TPST2: variants seen among roughly 807,000 people sequenced by gnomAD.
TPST2 encodes the protein tyrosylprotein sulfotransferase 2.
In TPST2, 16 loss-of-function variants were observed where a neutral mutation model predicts 27.8. The observed-to-expected ratio is 0.58, with a 90% CI of 0.39 to 0.88. The LOEUF is 0.88. Ranked by LOEUF, TPST2 falls within the 40% of genes least tolerant of loss-of-function variation. The pLI is 0.00. For synonymous variants in TPST2, 229 were observed against 231.7 expected (o/e 0.99, Z 0.10); for missense variants, 464 against 543.1 (o/e 0.85, Z 1.45).
chr22:26,531,174 A>C (rs1303024244), intron 5 of TPST2, among the ~76,000 whole-genome samples: 1 of 152,170 alleles, frequency 6.6e-6, no homozygotes, highest in Non-Finnish European at 1.5e-5. Flanking sequence ...GCTGCCCTGC[A>C]GATAAGTTTT....
chr22:26,555,676 A>G (rs1292937735), intron 1 of TPST2, among the ~76,000 whole-genome samples: 1 of 152,232 alleles, frequency 6.6e-6, no homozygotes, highest in East Asian at 1.9e-4. Flanking sequence ...GGATGCCCAG[A>G]CAGACTGGGG....
At position 26,541,346 on chromosome 22, in the gene TPST2, G is replaced by A; in HGVS notation, c.285C>T (p.Arg95=). 6.4e-7 allele frequency: 1 copy of A among 1,551,062 alleles called. No homozygotes were observed. The highest frequency in any genetic ancestry group is 1.2e-5 in the South Asian group (1 of 80,974). The change falls in exon 3 of 7, where the codon CGC becomes CGT. Residue 95 remains arginine, a synonymous_variant. Coordinates refer to ENST00000338754, the MANE Select transcript of TPST2 (RefSeq NM_003595.5). This position sits in a 1 kb window ranked among gnomAD's most constrained non-coding sequence, Gnocchi z 5.9. ...GGATGATGCGGGTCTCCTCGCCGCA[G>A]CGCACCTCGGGGTGCGCGTCCAGCA... is the stretch of plus-strand genomic sequence containing the variant. The part of the protein sequence containing the change: ...RAMLDAHPEV[R]CGEETRIIPR...
intron 1 of TPST2, among the ~76,000 whole-genome samples, chr22:26,569,991 A>AAGAAAGAAAGAAAGAAAGAAAGAAAAG (rs1555934528): frequency 5.0e-5 from 1 of 19,876 alleles, no homozygotes; most frequent in Non-Finnish European, 8.0e-5. Context: ...AAAAGAAAGA[A>AAGAAAGAAAGAAAGAAAGAAAGAAAAG]AAAGAAAGAA....
chr22:26,537,381 T>A (rs1251471788), intron 3 of TPST2, among the ~76,000 whole-genome samples: 2 of 152,218 alleles, frequency 1.3e-5, no homozygotes, highest in Non-Finnish European at 2.9e-5. Flanking sequence ...TAGTAGTACC[T>A]ACCTCACTGG....
At chr22:26,567,777 A>C (rs1366902337) in intron 1 of TPST2, among the ~76,000 whole-genome samples, 1 of 152,242 alleles carries the variant, frequency 6.6e-6, no homozygotes, top group Non-Finnish European at 1.5e-5. Flanking sequence ...ACTTCATAAA[A>C]GAGGTTATCT....
intron 2 of TPST2, among the ~76,000 whole-genome samples, chr22:26,542,230 A>C (rs13055291): frequency 1.4e-5 from 2 of 141,328 alleles, no homozygotes; most frequent in Non-Finnish European, 3.1e-5. Flanking sequence ...CGACAGAGCG[A>C]GACTCCGTCT....
intron 1 of TPST2, among the ~76,000 whole-genome samples, chr22:26,575,463 T>A (rs986669600): frequency 2.0e-5 from 3 of 151,926 alleles, no homozygotes; most frequent in African/African-American, 7.3e-5. Context: ...TCAAAGACCA[T>A]CTCCTTCCTG....
intron 1 of TPST2, among the ~76,000 whole-genome samples, chr22:26,545,104 C>T (rs1487931337): frequency 1.3e-5 from 2 of 152,200 alleles, no homozygotes; most frequent in Non-Finnish European, 2.9e-5. Flanking sequence ...GTGGACTGCA[C>T]AATTCCAAAT....
chr22:26,547,886 A>G (rs909191464), intron 1 of TPST2, among the ~76,000 whole-genome samples: 1 of 152,230 alleles, frequency 6.6e-6, no homozygotes, highest in Non-Finnish European at 1.5e-5. Flanking sequence ...TCCTAAAAAC[A>G]TAACTTGATG....
chr22:26,568,003 T>A (rs1927443407), intron 1 of TPST2, among the ~76,000 whole-genome samples: 1 of 152,230 alleles, frequency 6.6e-6, no homozygotes, highest in Non-Finnish European at 1.5e-5. Flanking sequence ...CTGGCTTAAC[T>A]GAGACAAAGC....
chr22:26,582,346 G>A (rs983962902), intron 1 of TPST2, among the ~76,000 whole-genome samples: 1 of 152,184 alleles, frequency 6.6e-6, no homozygotes, highest in African/African-American at 2.4e-5. Context: ...AGAATCGCTT[G>A]AACCCGGGAG....
At chr22:26,572,739 G>A (rs769945877) in intron 1 of TPST2, among the ~76,000 whole-genome samples, 5 of 152,038 alleles carry the variant, frequency 3.3e-5, no homozygotes, top group Admixed American at 6.6e-5. Context: ...TCCACTGTGA[G>A]TGCTCACGGG....
chr22:26,589,940 G>T (rs1928491542), intron 1 of TPST2, 113 bp downstream of exon 1: 1 of 152,058 alleles, frequency 6.6e-6, no homozygotes, highest in Non-Finnish European at 1.5e-5. Context: ...CGGGCCCGGA[G>T]GCAGCCGCCA....
Position 26,541,831 on chromosome 22 carries a change from G to T in TPST2, c.-88-113C>A. 9.3e-7 allele frequency: 1 copy of T among 1,070,446 alleles called. No homozygotes were observed. Among genetic ancestry groups the T allele is most frequent in the Non-Finnish European group, 1.3e-6 (1 of 780,726 alleles). The allele number at this position is 1,070,446 out of a possible 1,614,324, so 66.3% of individuals were successfully genotyped here. A position where few individuals can be genotyped will look rare whatever the true frequency, so the allele number is the denominator to read the frequency against. The stretch of plus-strand genomic sequence containing the variant: ...GAGGCTGCTGACATGAATGCAGAGG[G>T]CACCTTTCATAAGCACTAGCTGTGT... On this transcript the variant is annotated intron_variant, in intron 2 of 6. Transcript: ENST00000338754. The surrounding 1 kb of genome is among the most constrained non-coding windows in gnomAD (Gnocchi z 5.9).
chr22:26,555,163 T>G (rs765517299), intron 1 of TPST2: 1 of 533,200 alleles, frequency 1.9e-6, no homozygotes, highest in Non-Finnish European at 3.8e-6. Context: ...ATTTGCATTT[T>G]AACAAGCGCT....
intron 1 of TPST2, chr22:26,550,525 G>T: frequency 1.1e-6 from 1 of 921,480 alleles, no homozygotes; most frequent in Non-Finnish European, 1.3e-6. Context: ...CGGCAGGGGG[G>T]CAGGGAGGGG....
chr22:26,574,118 T>C (rs1197594206), intron 1 of TPST2, among the ~76,000 whole-genome samples: 1 of 152,158 alleles, frequency 6.6e-6, no homozygotes, highest in African/African-American at 2.4e-5. Context: ...ATGGAAAGTA[T>C]TTCCATCTGC....
In TPST2 at chr22:26,570,446, C is replaced by G. The variant is rs1476743879; in HGVS notation, c.-161+19607G>C. Among the ~76,000 whole-genome samples, 7 of 152,268 alleles carry G rather than the reference C, an allele frequency of 4.6e-5. No homozygotes were observed. In the East Asian group the frequency reaches 1.4e-3, roughly 29 times the overall value. On this transcript the variant is annotated intron_variant, in intron 1 of 6. Transcript: ENST00000338754. The stretch of plus-strand genomic sequence containing the variant: ...AAGGAGGTTATGTCTGCTTGTCTTC[C>G]TCTTTCTCTACAGCCCCATGAAAAC...
intron 4 of TPST2, among the ~76,000 whole-genome samples, chr22:26,535,490 CA>C (rs1414727770): frequency 6.6e-6 from 1 of 152,212 alleles, no homozygotes; most frequent in Non-Finnish European, 1.5e-5. Flanking sequence ...ACTTCAAAAG[CA>C]TTTTGTCAGT....
Sources: allele counts gnomAD v4.1 joint callset (sites outside exome capture counted in the v4.1 genomes callset), GRCh38; gene constraint gnomAD v4.1.1; non-coding constraint Gnocchi (gnomAD v3.1); transcripts MANE v1.5; gene names NCBI Gene and HGNC (gene_info 2026-07-23, HGNC 2026-07-21).